Variants in DPF3 observed in about 807,000 individuals in gnomAD.
DPF3 encodes the protein double PHD fingers 3, also known as zinc finger protein DPF3.
In DPF3, 18 loss-of-function variants were observed where a neutral mutation model predicts 56.8. That is an observed-to-expected ratio of 0.32 (90% CI 0.22 to 0.47). The LOEUF (loss-of-function observed/expected upper bound fraction) is 0.47, where lower values mean the gene tolerates loss of function less well. Ranked by LOEUF, DPF3 falls within the 20% of genes least tolerant of loss-of-function variation. The pLI is 1.00. For synonymous variants in DPF3, 188 were observed against 180.2 expected, an observed-to-expected ratio of 1.04 and a Z score of -0.35; for missense variants, 403 against 488.8, an observed-to-expected ratio of 0.82 and a Z score of 1.65.
At chr14:72,866,733 G>A (rs972278544) in intron 1 of DPF3, among the ~76,000 whole-genome samples, 21 of 150,848 alleles carry the variant, frequency 1.4e-4, no homozygotes, top group African/African-American at 3.9e-4. Flanking sequence ...GCACATGCCT[G>A]TAATCCCAGC....
chr14:72,726,131 C>A (rs1419128129), intron 4 of DPF3, among the ~76,000 whole-genome samples: 1 of 152,204 alleles, frequency 6.6e-6, no homozygotes, highest in East Asian at 1.9e-4. Flanking sequence ...GTCAAATGCT[C>A]TGCAGCCTTT....
At chr14:72,836,032 G>C in intron 1 of DPF3, 1 of 985,190 alleles carries the variant, frequency 1.0e-6, no homozygotes, top group South Asian at 4.7e-5. Context: ...CCACACGGGT[G>C]CCTCGGGGAG....
intron 5 of DPF3, among the ~76,000 whole-genome samples, chr14:72,714,797 C>G (rs982307666): frequency 4.6e-5 from 7 of 151,826 alleles, no homozygotes; most frequent in Admixed American, 1.3e-4. Flanking sequence ...AGTAGCTTGC[C>G]CAAGGTCGTT....
At chr14:72,709,273 C>T (rs1483738914) in intron 6 of DPF3, among the ~76,000 whole-genome samples, 1 of 152,164 alleles carries the variant, frequency 6.6e-6, no homozygotes, top group East Asian at 1.9e-4. Context: ...TGAGAGGGCC[C>T]GCTCCTGGTG....
chr14:72,758,901 G>A (rs1232353632), intron 2 of DPF3, among the ~76,000 whole-genome samples: 1 of 152,108 alleles, frequency 6.6e-6, no homozygotes, highest in East Asian at 1.9e-4. Flanking sequence ...CATTCAGCAA[G>A]GTAAAATTCA....
At chr14:72,649,991 G>C (rs1234556028) in intron 8 of DPF3, among the ~76,000 whole-genome samples, 1 of 152,204 alleles carries the variant, frequency 6.6e-6, no homozygotes, top group East Asian at 1.9e-4. Flanking sequence ...AGCGGCTGAT[G>C]AGCAAACTCC....
At chr14:72,661,839 ATGCTTTTATTTT>A (rs1886225023) in intron 8 of DPF3, 3 of 889,582 alleles carry the variant, frequency 3.4e-6, no homozygotes, top group Non-Finnish European at 4.0e-6. Context: ...ACCTCAGCTG[ATGCTTTTATTTT>A]TGCTTTTTTT....
chr14:72,772,717 CA>C (rs1310860125), intron 1 of DPF3, among the ~76,000 whole-genome samples: 7 of 151,886 alleles, frequency 4.6e-5, no homozygotes, highest in Non-Finnish European at 1.0e-4. Context: ...TTTCAAAGAC[CA>C]AAAATGGAGC....
intron 3 of DPF3, among the ~76,000 whole-genome samples, chr14:72,751,348 T>C (rs958307172): frequency 6.6e-6 from 1 of 152,232 alleles, no homozygotes. Context: ...TAGCTACCTG[T>C]AAGTCTTCGA....
chr14:72,735,492 A>G (rs796726306), intron 3 of DPF3, among the ~76,000 whole-genome samples: 10 of 152,344 alleles, frequency 6.6e-5, no homozygotes, highest in African/African-American at 2.2e-4. Context: ...AGAAGAATCA[A>G]GAGGGAAAAC....
intron 1 of DPF3, among the ~76,000 whole-genome samples, chr14:72,834,435 T>G (rs1040250257): frequency 1.4e-5 from 2 of 144,742 alleles, no homozygotes; most frequent in African/African-American, 5.3e-5. Context: ...AGGCAGAGGT[T>G]GCAGTGAGCC....
intron 6 of DPF3, among the ~76,000 whole-genome samples, chr14:72,699,031 T>G (rs1454183110): frequency 6.6e-6 from 1 of 151,948 alleles, no homozygotes; most frequent in Non-Finnish European, 1.5e-5. Context: ...AGAAAATGAG[T>G]TGAGTTCACC....
Position 72,617,867 on chromosome 14 carries a change from A to G in DPF3, c.*1430T>C, listed in dbSNP as rs1297743547. On this transcript the variant is annotated 3_prime_UTR_variant, in exon 11 of 11. Transcript: ENST00000556509. Reference sequence around the variant, plus strand: ...CACAGAGATGGAGCTGATTTCAGAGAAGCCAAGCATGCGCGAGGGTTCCGC... The same window carrying G: ...CACAGAGATGGAGCTGATTTCAGAGGAGCCAAGCATGCGCGAGGGTTCCGC... 6.6e-6 allele frequency among the ~76,000 whole-genome samples: 1 copy of G among 152,088 alleles called. No homozygotes were observed. Among genetic ancestry groups the G allele is most frequent in the Non-Finnish European group, 1.5e-5 (1 of 68,010 alleles).
rs202204653 is a variant in DPF3, at chr14:72,818,828, ATGT to A, written c.33-46938_33-46936del. The stretch of plus-strand genomic sequence containing the variant: ...TATTTTACTACAATTTTTTTAAAAG[ATGT>A]TGTTAAGAGGATGAATAGACAAGCC... On this transcript the variant is annotated intron_variant, in intron 1 of 10. Transcript: ENST00000556509. Among the ~76,000 whole-genome samples the A allele has an allele frequency of 8.6e-3, 1,307 of 152,300 alleles. 14 individuals are homozygous for A. Among genetic ancestry groups the A allele is most frequent in the African/African-American group, 0.03 (1,240 of 41,572 alleles).
intron 9 of DPF3, among the ~76,000 whole-genome samples, chr14:72,627,273 C>A (rs939677266): frequency 1.3e-5 from 2 of 151,994 alleles, no homozygotes; most frequent in African/African-American, 4.8e-5. Flanking sequence ...CTAGTACTAG[C>A]GTGGTTTTAC....
At chr14:72,795,290 AAAAAAATAT>A (rs967018165) in intron 1 of DPF3, among the ~76,000 whole-genome samples, 39 of 132,916 alleles carry the variant, frequency 2.9e-4, no homozygotes, top group Non-Finnish European at 5.5e-4. Context: ...AAAAAAAAAA[AAAAAAATAT>A]ATATATATAT....
At chr14:72,811,827 G>T (rs4903063) in intron 1 of DPF3, among the ~76,000 whole-genome samples, 1 of 152,076 alleles carries the variant, frequency 6.6e-6, no homozygotes, top group East Asian at 1.9e-4. Flanking sequence ...GGAAGGGCAA[G>T]CTGTAGGTTA....
chr14:72,892,960 GAA>G (rs1886816881), intron 1 of DPF3, among the ~76,000 whole-genome samples: 1 of 50,998 alleles, frequency 2.0e-5, no homozygotes, highest in African/African-American at 1.3e-4. Flanking sequence ...AGGAAGGAAG[GAA>G]GGAAGGAAGG....
At chr14:72,831,760 T>C (rs1213083599) in intron 1 of DPF3, among the ~76,000 whole-genome samples, 5 of 152,124 alleles carry the variant, frequency 3.3e-5, no homozygotes. Flanking sequence ...TTCCTGAAAA[T>C]ATAGATGTGT....
Sources: gnomAD v4.1 joint callset for allele counts (sites outside exome capture counted in the v4.1 genomes callset) on GRCh38, gnomAD v4.1.1 for gene constraint, MANE v1.5 for transcripts, NCBI Gene and HGNC (gene_info 2026-07-23, HGNC 2026-07-21) for gene names.